The following PPP2R5C variants were observed in gnomAD, a reference collection of about 807,000 sequenced individuals.
PPP2R5C encodes the protein serine/threonine-protein phosphatase 2A 56 kDa regulatory subunit gamma isoform.
A neutral mutation model predicts 68.9 loss-of-function variants in PPP2R5C; 7 were observed. The ratio of observed to expected loss-of-function variants is 0.10; its 90% CI spans 0.06 to 0.19. The LOEUF (loss-of-function observed/expected upper bound fraction) is 0.19. Among genes scored for constraint, PPP2R5C ranks in the 10% least tolerant of loss-of-function variants. The pLI, the probability that PPP2R5C is intolerant of heterozygous loss-of-function variation, is 1.00. For synonymous variants in PPP2R5C, 210 were observed against 222.2 expected, an observed-to-expected ratio of 0.95 and a Z score of 0.49; for missense variants, 348 against 641.3, an observed-to-expected ratio of 0.54 and a Z score of 4.94.
chr14:101,919,164 C>G (rs1484500646), intron 13 of PPP2R5C, among the ~76,000 whole-genome samples: 2 of 152,236 alleles, frequency 1.3e-5, no homozygotes, highest in Non-Finnish European at 2.9e-5. Context: ...GGAAAGGGCT[C>G]ACGGCACCAA....
At position 101,922,090 on chromosome 14, in the gene PPP2R5C, GC is replaced by G. The variant is rs767542831; in HGVS notation, c.1444-3049del. ...ACTCAACGTGTAGAGCACATTGAAG[GC>G]CTGTTCTCCAGGAGAAGAATTGACG... On this transcript the variant is annotated intron_variant, in intron 13 of 13. Transcript: ENST00000334743. 260 of 985,362 alleles carry G rather than the reference GC, an allele frequency of 2.6e-4. No individual in the cohort carries two copies. The Middle Eastern group carries it at 3.1e-3, about 12-fold the overall frequency. 61.0% of individuals were successfully genotyped at this position (985,362 alleles called of 1,614,324 possible).
intron 2 of PPP2R5C, among the ~76,000 whole-genome samples, chr14:101,859,084 G>T (rs2042606788): frequency 6.6e-6 from 1 of 152,182 alleles, no homozygotes; most frequent in South Asian, 2.1e-4. Context: ...CAGCCCCTGG[G>T]CTCCCTAAGC....
At chr14:101,812,662 A>G (rs1437624525) in intron 1 of PPP2R5C, among the ~76,000 whole-genome samples, 2 of 152,204 alleles carry the variant, frequency 1.3e-5, no homozygotes, top group Non-Finnish European at 2.9e-5. Context: ...TTGGCTCGGT[A>G]GCCTCTTTTT....
rs888515139 is a variant in PPP2R5C, at chr14:101,784,748, C to T, written c.94-1270C>T. 9.2e-5 allele frequency among the ~76,000 whole-genome samples: 14 copies of T among 152,334 alleles called. No homozygotes were observed. The East Asian group carries it at 2.3e-3, about 25-fold the overall frequency. ...ACATATGCAGACACAGACTCCCTTT[C>T]TTTGGGCAGAAAGAAGGGTGGGCAA... On this transcript the variant is annotated intron_variant, in intron 2 of 14. Transcript: ENST00000328724.
At chr14:101,861,412 A>T (rs142960892) in intron 2 of PPP2R5C, among the ~76,000 whole-genome samples, 3 of 152,294 alleles carry the variant, frequency 2.0e-5, no homozygotes, top group Admixed American at 2.0e-4. Context: ...TACTGCTAAG[A>T]CTTTAATTGA....
intron 1 of PPP2R5C, among the ~76,000 whole-genome samples, chr14:101,834,375 A>C (rs1394446485): frequency 6.6e-6 from 1 of 152,206 alleles, no homozygotes; most frequent in Non-Finnish European, 1.5e-5. Flanking sequence ...TTCAAGCCAA[A>C]CAAAAAGTCT....
At position 101,888,315 on chromosome 14, in the gene PPP2R5C, GAC is replaced by G. The variant is rs1408036830; in HGVS notation, c.630-1914_630-1913del. 3.9e-5 allele frequency among the ~76,000 whole-genome samples: 6 copies of G among 152,058 alleles called. No homozygotes were observed. The highest frequency in any genetic ancestry group is 2.1e-4 in the South Asian group (1 of 4,818). On this transcript the variant is annotated intron_variant, in intron 5 of 13. Transcript: ENST00000334743. This position sits in a 1 kb window ranked among gnomAD's most constrained non-coding sequence, Gnocchi z 5.6. ...GTAAATTAAAGCACCTCTCGGTGTAGACACACACAGACTGACTTCTGCTTGGT... is the reference window on the plus strand; with the variant it reads ...GTAAATTAAAGCACCTCTCGGTGTAGACACACAGACTGACTTCTGCTTGGT...
At chr14:101,887,044 A>G (rs2044571796) in intron 5 of PPP2R5C, among the ~76,000 whole-genome samples, 1 of 152,236 alleles carries the variant, frequency 6.6e-6, no homozygotes, top group African/African-American at 2.4e-5. Flanking sequence ...CAGCTCATCT[A>G]AGTTCAATAT....
intron 3 of PPP2R5C, among the ~76,000 whole-genome samples, chr14:101,792,878 CTTTTCT>C (rs2038423516): frequency 1.5e-4 from 17 of 113,914 alleles, no homozygotes; most frequent in African/African-American, 3.1e-4. Flanking sequence ...AGCCATTTTT[CTTTTCT>C]TTTTTTTTTT....
chr14:101,922,945 T>A (rs2047093804), intron 13 of PPP2R5C, among the ~76,000 whole-genome samples: 1 of 152,258 alleles, frequency 6.6e-6, no homozygotes, highest in East Asian at 1.9e-4. Flanking sequence ...TAGCCATGTA[T>A]GCCCAATGCC....
intron 10 of PPP2R5C, among the ~76,000 whole-genome samples, chr14:101,907,253 C>G (rs2046084788): frequency 6.6e-6 from 1 of 152,080 alleles, no homozygotes; most frequent in Non-Finnish European, 1.5e-5. Flanking sequence ...TCACTTCAGC[C>G]TCGACCTCCT....
intron 1 of PPP2R5C, among the ~76,000 whole-genome samples, chr14:101,832,295 C>T (rs563007044): frequency 3.3e-5 from 5 of 152,264 alleles, no homozygotes; most frequent in South Asian, 2.1e-4. Flanking sequence ...CCACTGCTAA[C>T]GGCAGTTATT....
chr14:101,764,329 T>A (rs571605496), intron 2 of PPP2R5C, among the ~76,000 whole-genome samples: 92 of 152,220 alleles, frequency 6.0e-4, no homozygotes, highest in Non-Finnish European at 1.1e-3. Context: ...ATTGGGTTAA[T>A]AGAGTGTCAG....
chr14:101,824,056 G>C, intron 1 of PPP2R5C: 1 of 1,289,184 alleles, frequency 7.8e-7, no homozygotes, highest in Non-Finnish European at 1.0e-6. Context: ...CAGAGCTCCT[G>C]TTGAAGGAAC....
rs148117514 is a variant in PPP2R5C, at chr14:101,852,416, G to A, written c.95-4270G>A. Among the ~76,000 whole-genome samples the A allele has an allele frequency of 3.7e-3, 535 of 144,006 alleles. 3 individuals carry two copies. The highest frequency in any genetic ancestry group is 0.014 in the African/African-American group (527 of 39,016). 94.5% of individuals were successfully genotyped at this position (144,006 alleles called of 152,430 possible). On this transcript the variant is annotated intron_variant, in intron 1 of 13. Transcript: ENST00000334743. The stretch of plus-strand genomic sequence containing the variant: ...TAACAGGCTTCCCTTTAGTAAATAC[G>A]TTTTTTAAAGAATAGCACATTCTTT...
chr14:101,789,390 C>T (rs1228467013), intron 3 of PPP2R5C, among the ~76,000 whole-genome samples: 3 of 152,188 alleles, frequency 2.0e-5, no homozygotes, highest in Admixed American at 1.3e-4. Flanking sequence ...GGACTCTTCC[C>T]GGACCCATGC....
intron 1 of PPP2R5C, chr14:101,836,791 A>G (rs2041130635): frequency 5.9e-6 from 1 of 168,314 alleles, no homozygotes; most frequent in Non-Finnish European, 1.3e-5. Flanking sequence ...GGGCAGATGC[A>G]GTAGAAAAGC....
intron 1 of PPP2R5C, chr14:101,810,298 T>C (rs1451237708): frequency 1.2e-5 from 5 of 416,276 alleles, no homozygotes; most frequent in Admixed American, 4.3e-5. Context: ...CCATCCCCCT[T>C]TCAAAGCTGT....
intron 1 of PPP2R5C, among the ~76,000 whole-genome samples, chr14:101,821,513 T>A (rs1275830928): frequency 5.3e-5 from 8 of 151,888 alleles, no homozygotes; most frequent in Non-Finnish European, 1.0e-4. Context: ...TATAAATATG[T>A]ATTTATTCAC....
Sources: gnomAD v4.1 joint callset for allele counts (sites outside exome capture counted in the v4.1 genomes callset) on GRCh38, gnomAD v4.1.1 for gene constraint, Gnocchi (gnomAD v3.1) non-coding constraint, MANE v1.5 for transcripts, NCBI Gene and HGNC (gene_info 2026-07-23, HGNC 2026-07-21) for gene names.